GRTP1: variants seen among roughly 807,000 people sequenced by gnomAD.
GRTP1 encodes growth hormone-regulated TBC protein 1.
GRTP1 carries 56 observed loss-of-function variants against 38.1 expected under a neutral mutation model. That is an observed-to-expected ratio of 1.47 (90% CI 1.19 to 1.84). The LOEUF (loss-of-function observed/expected upper bound fraction) is 1.84. Among genes scored for constraint, GRTP1 ranks in the 40% most tolerant of loss-of-function variants. The probability of loss-of-function intolerance (pLI) is 0.00; values close to 1 mark genes in which losing one functional copy is unlikely to be tolerated. For synonymous variants in GRTP1, 217 were observed against 189.5 expected (o/e 1.14, Z -1.19); for missense variants, 506 against 453.9 (o/e 1.11, Z -1.04).
intron 2 of GRTP1, among the ~76,000 whole-genome samples, chr13:113,357,990 C>T (rs1222518376): frequency 6.6e-6 from 1 of 152,054 alleles, no homozygotes; most frequent in African/African-American, 2.4e-5. Context: ...ATCAGCCTGA[C>T]CAACATGGCA....
chr13:113,351,077 C>T (rs1039319117), intron 3 of GRTP1, 104 bp from the exon 4 acceptor site: 9 of 1,482,982 alleles, frequency 6.1e-6, no homozygotes, highest in African/African-American at 2.8e-5. Flanking sequence ...TTGGGACTTA[C>T]GGACTGGTTT....
At chr13:113,338,657 G>A (rs569635986) in intron 5 of GRTP1, among the ~76,000 whole-genome samples, 2 of 152,238 alleles carry the variant, frequency 1.3e-5, no homozygotes, top group Admixed American at 1.3e-4. Flanking sequence ...TCAATACCCA[G>A]ACGGACTCGC....
chr13:113,330,875 G>T (rs1287661609), intron 5 of GRTP1, among the ~76,000 whole-genome samples: 4 of 4,422 alleles, frequency 9.0e-4, no homozygotes, highest in African/African-American at 1.3e-3. Context: ...GGAAGCCCAG[G>T]TGTGTGCATG....
chr13:113,328,718 T>C lies in GRTP1; in HGVS notation c.563-2627A>G, dbSNP rs2042812100. 2.0e-5 allele frequency among the ~76,000 whole-genome samples: 3 copies of C among 152,222 alleles called. No individual in the cohort carries two copies. In the South Asian group the frequency reaches 6.2e-4, roughly 31 times the overall value. On this transcript the variant is annotated intron_variant, in intron 5 of 7. Transcript: ENST00000375431. ...AATATTTTTTGTAGAGAGAAGGTTT[T>C]ACCATGTTGCCCAGGCTGGTCTAGA...
At chr13:113,353,407 C>G (rs9324233) in intron 3 of GRTP1, among the ~76,000 whole-genome samples, 1 of 152,338 alleles carries the variant, frequency 6.6e-6, no homozygotes, top group African/African-American at 2.4e-5. Flanking sequence ...TCTGCCCATG[C>G]GTGGAATATT....
intron 4 of GRTP1, 57 bp from the exon 5 acceptor site, chr13:113,345,016 T>G (rs924112505): frequency 6.4e-7 from 1 of 1,552,586 alleles, no homozygotes; most frequent in Non-Finnish European, 8.6e-7. Context: ...CCCATTTGAT[T>G]CTGCAATCAT....
chr13:113,359,295 G>A (rs570673800), intron 2 of GRTP1, among the ~76,000 whole-genome samples: 20 of 152,332 alleles, frequency 1.3e-4, no homozygotes, highest in African/African-American at 4.6e-4. Flanking sequence ...GCCTAGCTGC[G>A]TGTTTGTCCA....
At chr13:113,352,814 GC>G (rs1285538264) in intron 3 of GRTP1, among the ~76,000 whole-genome samples, 1 of 152,212 alleles carries the variant, frequency 6.6e-6, no homozygotes, top group African/African-American at 2.4e-5. Flanking sequence ...CCACTGCATG[GC>G]TCCTGAAAGA....
chr13:113,345,887 A>G (rs938119887), intron 4 of GRTP1, among the ~76,000 whole-genome samples: 6 of 152,188 alleles, frequency 3.9e-5, no homozygotes, highest in East Asian at 3.9e-4. Flanking sequence ...CCAGAAGATG[A>G]CGATGGAAGC....
At chr13:113,352,337 T>TTATATATTTATATATATTATA (rs2043295606) in intron 3 of GRTP1, among the ~76,000 whole-genome samples, 4 of 51,560 alleles carry the variant, frequency 7.8e-5, no homozygotes, top group African/African-American at 2.9e-4. Flanking sequence ...TATATATATT[T>TTATATATTTATATATATTATA]TATATATATA....
intron 3 of GRTP1, among the ~76,000 whole-genome samples, chr13:113,352,362 A>ATATATATATATATTTTTATATATTT (rs71101572): frequency 1.2e-5 from 1 of 80,848 alleles, no homozygotes; most frequent in South Asian, 3.3e-4. Flanking sequence ...TATATATTTT[A>ATATATATATATATTTTTATATATTT]TATATATATA....
At chr13:113,354,081 TA>T (rs1429550522) in intron 3 of GRTP1, among the ~76,000 whole-genome samples, 1 of 152,146 alleles carries the variant, frequency 6.6e-6, no homozygotes, top group East Asian at 1.9e-4. Flanking sequence ...TCATAAAAAA[TA>T]AAAAAATTCA....
chr13:113,325,231 A>G, intron 7 of GRTP1: 1 of 1,170,280 alleles, frequency 8.5e-7, no homozygotes, highest in Non-Finnish European at 1.1e-6. Flanking sequence ...CTCTTAGGAA[A>G]CTACTGACTC....
intron 2 of GRTP1, among the ~76,000 whole-genome samples, chr13:113,360,700 A>G (rs4907618): frequency 0.51 from 77,540 of 152,088 alleles, 20,164 homozygotes; most frequent in Middle Eastern, 0.57. Flanking sequence ...ACAGGCCCAC[A>G]GCCCTGTGGC....
intron 4 of GRTP1, among the ~76,000 whole-genome samples, chr13:113,347,660 G>A (rs1288884920): frequency 2.0e-5 from 1 of 49,668 alleles, no homozygotes; most frequent in African/African-American, 1.1e-4. Flanking sequence ...GAGCAGATCT[G>A]GGAGGACCTC....
chr13:113,329,681 TACAA>T (rs2042828996), intron 5 of GRTP1, among the ~76,000 whole-genome samples: 2 of 152,348 alleles, frequency 1.3e-5, no homozygotes, highest in South Asian at 4.1e-4. Context: ...CGGGACTACA[TACAA>T]AGCACTCCAA....
At chr13:113,329,146 T>A (rs80022704) in intron 5 of GRTP1, among the ~76,000 whole-genome samples, 28 of 152,330 alleles carry the variant, frequency 1.8e-4, no homozygotes, top group African/African-American at 5.8e-4. Context: ...GCCAGTCCCA[T>A]GTACAGAGCC....
chr13:113,324,430 C>T lies in GRTP1; in HGVS notation c.*58G>A. On this transcript the variant is annotated 3_prime_UTR_variant, in exon 8 of 8. Transcript: ENST00000375431. The stretch of plus-strand genomic sequence containing the variant: ...AAAGCAGTGAAAGTTGGTCCAGTGT[C>T]AACTCTGGAAAGGGGCATCGTCAGT... 1 of 1,483,702 alleles carries T rather than the reference C, an allele frequency of 6.7e-7. No individual in the cohort carries two copies. 91.9% of individuals were successfully genotyped at this position (1,483,702 alleles called of 1,614,324 possible).
chr13:113,350,055 G>A (rs539911516), intron 4 of GRTP1, among the ~76,000 whole-genome samples: 4 of 152,160 alleles, frequency 2.6e-5, no homozygotes, highest in South Asian at 2.1e-4. Context: ...AGGCAGTCAC[G>A]GGCTGTGCGC....
Sources: gnomAD v4.1 joint callset for allele counts (sites outside exome capture counted in the v4.1 genomes callset) on GRCh38, gnomAD v4.1.1 for gene constraint, MANE v1.5 for transcripts, NCBI Gene and HGNC (gene_info 2026-07-23, HGNC 2026-07-21) for gene names.